SGCE: variants seen among roughly 807,000 people sequenced by gnomAD.
SGCE encodes sarcoglycan epsilon.
Under a neutral mutation model 57.8 loss-of-function variants are expected in SGCE, and 26 were observed. The observed-to-expected ratio is 0.45, with a 90% CI of 0.33 to 0.62. The LOEUF is 0.62. Among genes scored for constraint, SGCE ranks in the 20% least tolerant of loss-of-function variants. SGCE has a pLI of 0.02. For synonymous variants in SGCE, 183 were observed against 189.5 expected, an observed-to-expected ratio of 0.97 and a Z score of 0.28; for missense variants, 468 against 548.6, an observed-to-expected ratio of 0.85 and a Z score of 1.47.
In SGCE at chr7:94,598,795, C is replaced by T. The variant is rs1053317452; in HGVS notation, c.1233G>A (p.Met411Ile). 6.2e-7 allele frequency: 1 copy of T among 1,612,310 alleles called. No individual in the cohort carries two copies. The highest frequency in any genetic ancestry group is 8.5e-7 in the Non-Finnish European group (1 of 1,178,530). Reference protein sequence around the residue: ...LHTDNYDSTNMPLMQTQQNLP... With the variant: ...LHTDNYDSTNIPLMQTQQNLP... ...CTTACTGCTGCGTTTGCATCAATGG[C>T]ATGTTTGTGCTATCATAGTTGTCTG... The change falls in exon 9 of 11, where the codon ATG becomes ATA. Residue 411 changes from methionine to isoleucine, a missense_variant. Coordinates refer to ENST00000648936, the MANE Select transcript of SGCE (RefSeq NM_003919.3).
intron 4 of SGCE, chr7:94,622,360 G>A (rs1481614979): frequency 1.3e-5 from 2 of 152,234 alleles, no homozygotes; most frequent in African/African-American, 4.8e-5. Context: ...AGGTGTGGTG[G>A]TTCGTGCCTG....
At chr7:94,652,574 G>A (rs1808054736) in intron 1 of SGCE, among the ~76,000 whole-genome samples, 2 of 152,112 alleles carry the variant, frequency 1.3e-5, no homozygotes, top group South Asian at 2.1e-4. Flanking sequence ...TGAGGTTGTC[G>A]CTAACCAGTT....
At chr7:94,610,353 G>C (rs958394546) in intron 5 of SGCE, among the ~76,000 whole-genome samples, 1 of 152,166 alleles carries the variant, frequency 6.6e-6, no homozygotes, top group Non-Finnish European at 1.5e-5. Context: ...GTAAGGTAGG[G>C]ACTTTGGGTG....
At chr7:94,632,350 C>T (rs1287454272) in intron 1 of SGCE, among the ~76,000 whole-genome samples, 1 of 152,036 alleles carries the variant, frequency 6.6e-6, no homozygotes, top group Non-Finnish European at 1.5e-5. Flanking sequence ...TCAGTTTCTG[C>T]TTTTATAAAA....
intron 1 of SGCE, among the ~76,000 whole-genome samples, chr7:94,634,785 TGA>T (rs1212648927): frequency 6.6e-6 from 1 of 152,172 alleles, no homozygotes; most frequent in Admixed American, 6.6e-5. Context: ...TTACTATACT[TGA>T]GAGAGAGCCA....
intron 9 of SGCE, 99 bp downstream of exon 9, chr7:94,598,676 A>T: frequency 1.1e-6 from 1 of 886,494 alleles, no homozygotes; most frequent in Non-Finnish European, 1.9e-6. Flanking sequence ...TCTTCCAGTT[A>T]TAAACAAACA....
At chr7:94,592,800 A>G (rs567696971) in intron 9 of SGCE, among the ~76,000 whole-genome samples, 2 of 152,262 alleles carry the variant, frequency 1.3e-5, no homozygotes, top group East Asian at 1.9e-4. Context: ...ACTTGTTTCA[A>G]ACTAAAAAGC....
rs140175179 is a variant in SGCE, at chr7:94,605,165, C to G, written c.663-1713G>C. Among the ~76,000 whole-genome samples the G allele has an allele frequency of 1.6e-4, 24 of 151,902 alleles. No individual in the cohort carries two copies. In the East Asian group the frequency reaches 4.5e-3, roughly 28 times the overall value. ...TGAAAAGACTGAACAAGCATCACAC[C>G]GGAATCAGATATGGCAGAGATGTTG... is the stretch of plus-strand genomic sequence containing the variant. On this transcript the variant is annotated intron_variant, in intron 5 of 10. Transcript: ENST00000648936.
At chr7:94,585,984 T>A (rs1194438696) in intron 10 of SGCE, among the ~76,000 whole-genome samples, 1 of 135,518 alleles carries the variant, frequency 7.4e-6, no homozygotes, top group Non-Finnish European at 1.5e-5. Context: ...AGTGCTCAAG[T>A]CCAGGAACAC....
chr7:94,643,310 A>C (rs567009218), intron 1 of SGCE, among the ~76,000 whole-genome samples: 2 of 152,184 alleles, frequency 1.3e-5, no homozygotes, highest in Non-Finnish European at 2.9e-5. Context: ...ATCATTGCTC[A>C]TACTTTCCAG....
intron 3 of SGCE, chr7:94,624,419 T>A (rs1247856804): frequency 2.6e-6 from 1 of 389,562 alleles, no homozygotes; most frequent in African/African-American, 2.1e-5. Flanking sequence ...AATTTTAAAC[T>A]TTTAACAATG....
chr7:94,638,384 T>C (rs535576691), intron 1 of SGCE, among the ~76,000 whole-genome samples: 2 of 152,312 alleles, frequency 1.3e-5, no homozygotes, highest in East Asian at 1.9e-4. Context: ...GTTCCAGCTA[T>C]AAAAATGTTA....
chr7:94,597,367 G>C (rs1181922173), intron 9 of SGCE: 2 of 151,848 alleles, frequency 1.3e-5, no homozygotes, highest in Non-Finnish European at 2.9e-5. Flanking sequence ...GAAGTATTCT[G>C]GATAAACTTA....
At chr7:94,616,636 T>G (rs531270472) in intron 5 of SGCE, among the ~76,000 whole-genome samples, 1 of 152,290 alleles carries the variant, frequency 6.6e-6, no homozygotes, top group Non-Finnish European at 1.5e-5. Context: ...AAAGTATTAG[T>G]TAAGCATTGG....
intron 8 of SGCE, 184 bp downstream of exon 8, chr7:94,599,513 C>G (rs2116682530): frequency 1.7e-6 from 1 of 584,426 alleles, no homozygotes; most frequent in Non-Finnish European, 3.1e-6. Context: ...GTTTTCAAAC[C>G]CTTTTTAGTT....
intron 1 of SGCE, among the ~76,000 whole-genome samples, chr7:94,640,363 AC>A (rs1489703410): frequency 5.3e-5 from 8 of 152,206 alleles, no homozygotes; most frequent in African/African-American, 1.9e-4. Flanking sequence ...GGTAACACAT[AC>A]ATCAGGCTCT....
At chr7:94,609,022 T>TA (rs1211405270) in intron 5 of SGCE, among the ~76,000 whole-genome samples, 1 of 152,160 alleles carries the variant, frequency 6.6e-6, no homozygotes, top group East Asian at 1.9e-4. Flanking sequence ...ATTTTTTAGT[T>TA]ACAACACCAA....
chr7:94,611,289 A>T (rs916218633), intron 5 of SGCE, among the ~76,000 whole-genome samples: 3 of 152,232 alleles, frequency 2.0e-5, no homozygotes, highest in African/African-American at 7.2e-5. Context: ...TGGCATATCC[A>T]TAAAATAGAA....
chr7:94,601,729 C>T (rs569970869), intron 6 of SGCE, among the ~76,000 whole-genome samples: 46 of 152,016 alleles, frequency 3.0e-4, no homozygotes, highest in Non-Finnish European at 5.1e-4. Context: ...TTGTTTTCTG[C>T]CAAGGAATTG....
Sources: allele counts gnomAD v4.1 joint callset (sites outside exome capture counted in the v4.1 genomes callset), GRCh38; gene constraint gnomAD v4.1.1; transcripts MANE v1.5; gene names NCBI Gene and HGNC (gene_info 2026-07-23, HGNC 2026-07-21).